The following FAM120C variants were observed in gnomAD, a reference collection of about 807,000 sequenced individuals.
FAM120C encodes the protein family with sequence similarity 120 member C.
Under a neutral mutation model 71.2 loss-of-function variants are expected in FAM120C, and 14 were observed. The ratio of observed to expected loss-of-function variants is 0.20; its 90% CI spans 0.13 to 0.31. The LOEUF (loss-of-function observed/expected upper bound fraction) is 0.31. FAM120C is among the 10% of genes least tolerant of loss of function. The pLI, the probability that FAM120C is intolerant of heterozygous loss-of-function variation, is 1.00. For missense variants in FAM120C, 500 were observed against 879.0 expected (o/e 0.57, Z 5.45); for synonymous variants, 354 against 353.2 (o/e 1.00, Z -0.03).
chrX:54,107,408 T>C (rs2066912632), intron 10 of FAM120C, among the ~76,000 whole-genome samples: 1 of 110,352 alleles, frequency 9.1e-6, no homozygotes, highest in Non-Finnish European at 1.9e-5. Context: ...CTATATATTT[T>C]AGAAAGAAGG....
intron 14 of FAM120C, among the ~76,000 whole-genome samples, chrX:54,080,617 TG>T (rs2066759492): frequency 9.0e-6 from 1 of 111,496 alleles, no homozygotes; most frequent in Non-Finnish European, 1.9e-5. Flanking sequence ...CCCAGCACTT[TG>T]GGAGACCGAG....
At chrX:54,081,730 C>A (rs1424533790) in intron 13 of FAM120C, among the ~76,000 whole-genome samples, 1 of 100,180 alleles carries the variant, frequency 1.0e-5, no homozygotes, top group Non-Finnish European at 2.0e-5. Context: ...GCTGAGACTG[C>A]GCCACTGCAC....
chrX:54,118,617 T>A (rs186891502), intron 9 of FAM120C, among the ~76,000 whole-genome samples: 17 of 108,742 alleles, frequency 1.6e-4, no homozygotes, highest in African/African-American at 5.3e-4. Flanking sequence ...GATATGGTAT[T>A]ATCACTATTA....
chrX:54,150,806 C>T (rs2067180907), intron 4 of FAM120C, among the ~76,000 whole-genome samples: 2 of 110,372 alleles, frequency 1.8e-5, no homozygotes, highest in African/African-American at 6.6e-5. Context: ...TGGAGTGCAG[C>T]GGCGCAATCT....
intron 4 of FAM120C, among the ~76,000 whole-genome samples, chrX:54,139,609 G>A (rs1014771363): frequency 9.0e-6 from 1 of 110,602 alleles, no homozygotes; most frequent in Non-Finnish European, 1.9e-5. Context: ...CCAAAGTTCT[G>A]GAATTACAGG....
rs1391614295 is a variant in FAM120C at position 54,169,408 on chromosome X, A to AT, written c.700-9793dup. On this transcript the variant is annotated intron_variant, in intron 1 of 15. Coordinates refer to ENST00000375180, the MANE Select transcript of FAM120C (RefSeq NM_017848.6). ...CAAGTAATACAATAAACACAAGGGCATAAAAAAAATAACTAGATTGTAAGC... is the reference window on the plus strand; with the variant it reads ...CAAGTAATACAATAAACACAAGGGCATTAAAAAAAATAACTAGATTGTAAGC... 2.7e-5 allele frequency among the ~76,000 whole-genome samples: 3 copies of AT among 112,328 alleles called. No homozygotes were observed. The East Asian group carries it at 8.3e-4, about 31-fold the overall frequency.
chrX:54,082,605 C>T (rs181753828), intron 13 of FAM120C, among the ~76,000 whole-genome samples: 1 of 108,891 alleles, frequency 9.2e-6, no homozygotes, highest in Non-Finnish European at 1.9e-5. Flanking sequence ...GACAGGGGTT[C>T]ACCGTATTGG....
chrX:54,135,434 C>T, intron 6 of FAM120C, 94 bp downstream of exon 6: 1 of 788,655 alleles, frequency 1.3e-6, no homozygotes, highest in Admixed American at 3.0e-5. Context: ...CCCTGACAGT[C>T]TAATAACACT....
intron 1 of FAM120C, among the ~76,000 whole-genome samples, chrX:54,171,267 G>A (rs2067286511): frequency 9.0e-6 from 1 of 110,635 alleles, no homozygotes; most frequent in Admixed American, 9.7e-5. Context: ...AAAATTATCT[G>A]GGTGTGGGTG....
chrX:54,093,898 T>C (rs1265466885), intron 10 of FAM120C, among the ~76,000 whole-genome samples: 1 of 111,191 alleles, frequency 9.0e-6, no homozygotes, highest in Non-Finnish European at 1.9e-5. Flanking sequence ...GTTACATTAC[T>C]ACAAATATTA....
chrX:54,124,708 C>G (rs782754225), intron 9 of FAM120C, among the ~76,000 whole-genome samples: 3 of 110,213 alleles, frequency 2.7e-5, no homozygotes, highest in African/African-American at 9.9e-5. Context: ...AGCTGTAGAC[C>G]GGAGCTGTTC....
chrX:54,146,571 C>T (rs2067157620), intron 4 of FAM120C, among the ~76,000 whole-genome samples: 1 of 110,868 alleles, frequency 9.0e-6, no homozygotes, highest in East Asian at 2.8e-4. Context: ...GTTCCAGCTA[C>T]TTGGGAGGCT....
At position 54,071,897 on chromosome X, in the gene FAM120C, T is replaced by C. The variant is rs1376350648; in HGVS notation, c.*1136A>G. 1 of 106,874 alleles carries C rather than the reference T, an allele frequency of 9.4e-6. No homozygotes were observed. The highest frequency in any genetic ancestry group is 1.9e-5 in the Non-Finnish European group (1 of 51,923). 8.8% of individuals were successfully genotyped at this position (106,874 alleles called of 1,213,427 possible). The stretch of plus-strand genomic sequence containing the variant: ...CTTCCACTCCATAGCAGTGGAAGCA[T>C]TTCTGGGAAATTGAGTAAATCCTCT... On this transcript the variant is annotated 3_prime_UTR_variant, in exon 16 of 16. Coordinates refer to ENST00000375180, the MANE Select transcript of FAM120C (RefSeq NM_017848.6).
intron 1 of FAM120C, among the ~76,000 whole-genome samples, chrX:54,163,340 A>C (rs1287316375): frequency 8.9e-6 from 1 of 112,648 alleles, no homozygotes; most frequent in Non-Finnish European, 1.9e-5. Flanking sequence ...TTGGCAATAA[A>C]AAGGAATGAA....
chrX:54,126,428 G>A (rs1350209050), intron 9 of FAM120C, among the ~76,000 whole-genome samples: 2 of 111,740 alleles, frequency 1.8e-5, no homozygotes, highest in East Asian at 2.8e-4. Flanking sequence ...CCAAACCCAC[G>A]TATATAGAGG....
intron 9 of FAM120C, among the ~76,000 whole-genome samples, chrX:54,118,630 C>T (rs1297990922): frequency 9.5e-6 from 1 of 105,172 alleles, no homozygotes; most frequent in Admixed American, 1.0e-4. Context: ...CACTATTATT[C>T]ACCATTGCCA....
intron 15 of FAM120C, among the ~76,000 whole-genome samples, chrX:54,078,324 C>T (rs2066747314): frequency 9.0e-6 from 1 of 111,034 alleles, no homozygotes; most frequent in South Asian, 3.8e-4. Flanking sequence ...GCGGTGAATT[C>T]ACCAAGGCTA....
At chrX:54,078,576 A>C (rs1439714631) in intron 15 of FAM120C, among the ~76,000 whole-genome samples, 4 of 111,550 alleles carry the variant, frequency 3.6e-5, no homozygotes, top group African/African-American at 1.3e-4. Flanking sequence ...GATGATGGGG[A>C]TTAACATGGA....
intron 3 of FAM120C, among the ~76,000 whole-genome samples, chrX:54,156,315 CTTTTTTTTTTTTTT>C (rs35737980): frequency 3.5e-5 from 1 of 28,404 alleles, no homozygotes; most frequent in Non-Finnish European, 5.7e-5. Context: ...TCACAACAGT[CTTTTTTTTTTTTTT>C]TTTTTTTTTT....
Sources: allele counts gnomAD v4.1 joint callset (sites outside exome capture counted in the v4.1 genomes callset), GRCh38; gene constraint gnomAD v4.1.1; transcripts MANE v1.5; gene names NCBI Gene and HGNC (gene_info 2026-07-23, HGNC 2026-07-21).